CD226: variants seen among roughly 807,000 people sequenced by gnomAD.
The protein encoded by CD226 is CD226 molecule.
A neutral mutation model predicts 34.9 loss-of-function variants in CD226; 24 were observed. That is an observed-to-expected ratio of 0.69 (90% CI 0.50 to 0.97). CD226 has a LOEUF of 0.97. Among genes scored for constraint, CD226 ranks in the 50% least tolerant of loss-of-function variants. The probability of loss-of-function intolerance (pLI) is 0.00; values close to 1 mark genes in which losing one functional copy is unlikely to be tolerated. For synonymous variants in CD226, 148 were observed against 147.4 expected (o/e 1.00, Z -0.03); for missense variants, 397 against 412.7 (o/e 0.96, Z 0.33).
At chr18:69,866,865 G>C in intron 5 of CD226, among the ~76,000 whole-genome samples, 1 of 152,174 alleles carries the variant, frequency 6.6e-6, no homozygotes, top group Non-Finnish European at 1.5e-5. Context: ...ACAGTGATGA[G>C]AGGGGCAGAG....
intron 4 of CD226, among the ~76,000 whole-genome samples, chr18:69,871,655 C>G (rs1159625057): frequency 6.6e-6 from 1 of 152,146 alleles, no homozygotes; most frequent in African/African-American, 2.4e-5. Flanking sequence ...AGGAATGCAG[C>G]CAAATGTGGG....
At chr18:69,873,048 A>G in intron 4 of CD226, 96 bp downstream of exon 4, 5 of 761,208 alleles carry the variant, frequency 6.6e-6, no homozygotes, top group South Asian at 5.7e-5. Context: ...ACAAAAATAT[A>G]TATGTGAATG....
intron 2 of CD226, among the ~76,000 whole-genome samples, chr18:69,916,405 G>A (rs915641939): frequency 1.3e-5 from 2 of 151,988 alleles, no homozygotes; most frequent in African/African-American, 4.8e-5. Flanking sequence ...AATATAGTTC[G>A]GATGCTGAAA....
chr18:69,918,978 A>C (rs1360106801), intron 2 of CD226, among the ~76,000 whole-genome samples: 1 of 152,196 alleles, frequency 6.6e-6, no homozygotes. Flanking sequence ...CAATCAGAGG[A>C]GGTGGGGGCC....
intron 2 of CD226, among the ~76,000 whole-genome samples, chr18:69,942,037 TCTC>T (rs1016289365): frequency 2.0e-5 from 3 of 152,128 alleles, no homozygotes; most frequent in Non-Finnish European, 2.9e-5. Flanking sequence ...ACTCTGCACT[TCTC>T]CTTCCTGCTG....
chr18:69,944,595 T>C (rs1201646653), intron 2 of CD226: 1 of 152,250 alleles, frequency 6.6e-6, no homozygotes, highest in East Asian at 1.9e-4. Context: ...AACAGCTAAT[T>C]TGGAACCCAA....
At chr18:69,883,738 T>A (rs1790597) in intron 3 of CD226, among the ~76,000 whole-genome samples, 136,869 of 152,286 alleles carry the variant, frequency 0.9, 62,029 homozygotes, top group Middle Eastern at 0.98. Context: ...CAAATAAAAC[T>A]AGTATGAGAA....
In CD226 at chr18:69,862,730, C is replaced by T. The variant is rs969832029; in HGVS notation, c.*1584G>A. The T allele has an allele frequency of 2.2e-5, 1 of 44,784 alleles. No homozygotes were observed. Among genetic ancestry groups the T allele is most frequent in the African/African-American group, 4.9e-5 (1 of 20,224 alleles). The allele number at this position is 44,784 out of a possible 1,614,324, so 2.8% of individuals were successfully genotyped here. A position where few individuals can be genotyped will look rare whatever the true frequency, so the allele number is the denominator to read the frequency against. On this transcript the variant is annotated 3_prime_UTR_variant, in exon 6 of 6. Coordinates refer to ENST00000582621, the MANE Select transcript of CD226 (RefSeq NM_001303618.2). ...TGTTTAAGGCTAAAATCATAAAATA[C>T]TCACTAATTAGCTTAAAAGTGTAAA...
chr18:69,931,805 C>A lies in CD226; in HGVS notation c.382+14929G>T, dbSNP rs539011931. Among the ~76,000 whole-genome samples, 344 of 152,322 alleles carry A rather than the reference C, an allele frequency of 2.3e-3. 1 individual carries two copies. Among genetic ancestry groups the A allele is most frequent in the African/African-American group, 7.9e-3 (330 of 41,568 alleles). ...CCACTTAAGCTGCCTTAGTTTAATT[C>A]TTTTTCATCGCTTGTCTGACTTATT... is the stretch of plus-strand genomic sequence containing the variant. On this transcript the variant is annotated intron_variant, in intron 2 of 5. Transcript: ENST00000582621.
chr18:69,949,768 A>C (rs1185641475), upstream of CD226, among the ~76,000 whole-genome samples: 1 of 151,972 alleles, frequency 6.6e-6, no homozygotes, highest in African/African-American at 2.4e-5. Context: ...ATGCACCCAC[A>C]CACACATGCT....
rs1982665999 is a variant in CD226, at chr18:69,858,203, A to G, written c.*6111T>C. The G allele has an allele frequency of 6.6e-6, 1 of 152,196 alleles. No homozygotes were observed. The highest frequency in any genetic ancestry group is 2.4e-5 in the African/African-American group (1 of 41,442). 9.4% of individuals were successfully genotyped at this position (152,196 alleles called of 1,614,324 possible). On this transcript the variant is annotated 3_prime_UTR_variant, in exon 6 of 6. Coordinates refer to ENST00000582621, the MANE Select transcript of CD226 (RefSeq NM_001303618.2). ...TTTTTCAGCAATTTATTTTAAAACA[A>G]TCTTGGATATATTTAGTTACATCTG...
intron 4 of CD226, among the ~76,000 whole-genome samples, chr18:69,871,644 T>C (rs1983528249): frequency 1.3e-5 from 2 of 152,172 alleles, no homozygotes; most frequent in South Asian, 2.1e-4. Context: ...GAATGATACA[T>C]AGGAATGCAG....
intron 1 of CD226, chr18:69,956,546 A>G (rs955367071): frequency 1.3e-5 from 2 of 152,198 alleles, no homozygotes; most frequent in African/African-American, 2.4e-5. Flanking sequence ...CTTAACTGGC[A>G]CCCTTTTACT....
At chr18:69,934,231 C>A (rs973416772) in intron 2 of CD226, among the ~76,000 whole-genome samples, 15 of 151,622 alleles carry the variant, frequency 9.9e-5, no homozygotes, top group African/African-American at 3.6e-4. Context: ...GCTATAGTCT[C>A]GGGTTCTTTA....
intron 2 of CD226, among the ~76,000 whole-genome samples, chr18:69,938,923 C>T (rs908835861): frequency 1.3e-5 from 2 of 152,014 alleles, no homozygotes; most frequent in Admixed American, 1.3e-4. Context: ...CCCATCTCTA[C>T]AAAAATACAA....
rs1224521405 is a variant in CD226 at position 69,947,428 on chromosome 18, C to T, written c.-22G>A. ...CCATCTCTGGAAACTGTTTGAAAGGCTGGTTCTATTAAAAAAAAAAATTGC... is the reference window on the plus strand; with the variant it reads ...CCATCTCTGGAAACTGTTTGAAAGGTTGGTTCTATTAAAAAAAAAAATTGC... On this transcript the variant is annotated 5_prime_UTR_variant, in exon 1 of 6. Transcript: ENST00000582621. 1 of 1,528,144 alleles carries T rather than the reference C, an allele frequency of 6.5e-7. No individual in the cohort carries two copies. Among genetic ancestry groups the T allele is most frequent in the East Asian group, 2.4e-5 (1 of 42,396 alleles). The allele number at this position is 1,528,144 out of a possible 1,614,324, so 94.7% of individuals were successfully genotyped here. A position where few individuals can be genotyped will look rare whatever the true frequency, so the allele number is the denominator to read the frequency against.
At chr18:69,910,965 A>C (rs2055317027) in intron 2 of CD226, among the ~76,000 whole-genome samples, 1 of 152,166 alleles carries the variant, frequency 6.6e-6, no homozygotes, top group South Asian at 2.1e-4. Context: ...AGACGCTGGG[A>C]CTACACTGCA....
At position 69,853,859 on chromosome 18, in the gene CD226, G is replaced by T. The variant is rs185357373; in HGVS notation, c.*10455C>A. On this transcript the variant is annotated 3_prime_UTR_variant, in exon 6 of 6. Transcript: ENST00000582621. ...ATGATCTACTCATCTTCAGTTTGAT[G>T]TCTATACTTCATTTCATATTTATTT... The T allele has an allele frequency of 6.6e-6, 1 of 152,184 alleles. No individual in the cohort carries two copies. The allele number at this position is 152,184 out of a possible 1,614,324, so 9.4% of individuals were successfully genotyped here.
At chr18:69,913,184 A>C (rs12968589) in intron 2 of CD226, among the ~76,000 whole-genome samples, 128,198 of 151,972 alleles carry the variant, frequency 0.84, 57,534 homozygotes, top group East Asian at 1. Flanking sequence ...CCGTCTCCAC[A>C]CCCTCACCTT....
Sources: gnomAD v4.1 joint callset for allele counts (sites outside exome capture counted in the v4.1 genomes callset) on GRCh38, gnomAD v4.1.1 for gene constraint, MANE v1.5 for transcripts, NCBI Gene and HGNC (gene_info 2026-07-23, HGNC 2026-07-21) for gene names.